Variants in KIAA1958 observed in about 807,000 individuals in gnomAD.
The protein encoded by KIAA1958 is KIAA1958.
In KIAA1958, 14 loss-of-function variants were observed where a neutral mutation model predicts 47.2. The observed-to-expected ratio is 0.30, with a 90% CI of 0.20 to 0.46. KIAA1958 has a LOEUF of 0.46. Among genes scored for constraint, KIAA1958 ranks in the 20% least tolerant of loss-of-function variants. The pLI is 1.00. For synonymous variants in KIAA1958, 354 were observed against 353.3 expected (o/e 1.00, Z -0.02); for missense variants, 803 against 909.2 (o/e 0.88, Z 1.50).
intron 1 of KIAA1958, among the ~76,000 whole-genome samples, chr9:112,534,342 C>T (rs1834815446): frequency 6.6e-6 from 1 of 152,164 alleles, no homozygotes; most frequent in Non-Finnish European, 1.5e-5. Flanking sequence ...TTTTTGCCAT[C>T]AGCACTGATT....
At chr9:112,552,427 A>G (rs963703335) in intron 1 of KIAA1958, among the ~76,000 whole-genome samples, 1 of 152,192 alleles carries the variant, frequency 6.6e-6, no homozygotes, top group Non-Finnish European at 1.5e-5. Context: ...TCACAGGCCT[A>G]ATGTGTTAAC....
Position 112,541,729 on chromosome 9 carries a change from C to T in KIAA1958, c.-24-32328C>T, listed in dbSNP as rs576137552. ...GGCTGAGGATTCAATTGCTTGAACC[C>T]GGGAGGCAGAGGTTGCAGTGAACCG... On this transcript the variant is annotated intron_variant, in intron 1 of 3. Transcript: ENST00000337530. Among the ~76,000 whole-genome samples the T allele has an allele frequency of 8.9e-4, 135 of 152,130 alleles. 1 individual carries two copies. Among genetic ancestry groups the T allele is most frequent in the African/African-American group, 3.1e-3 (130 of 41,488 alleles).
chr9:112,599,979 A>G (rs933318808), intron 2 of KIAA1958, among the ~76,000 whole-genome samples: 1 of 152,234 alleles, frequency 6.6e-6, no homozygotes, highest in Admixed American at 6.5e-5. Flanking sequence ...ATGATTTATT[A>G]CATTAATTAC....
At chr9:112,523,699 G>C (rs907761894) in intron 1 of KIAA1958, among the ~76,000 whole-genome samples, 1 of 152,166 alleles carries the variant, frequency 6.6e-6, no homozygotes, top group African/African-American at 2.4e-5. Flanking sequence ...GTTACCACAT[G>C]TATCAAATAT....
intron 1 of KIAA1958, among the ~76,000 whole-genome samples, chr9:112,564,513 A>G (rs1835394443): frequency 3.3e-5 from 5 of 152,184 alleles, no homozygotes. Flanking sequence ...TTTCGTTATT[A>G]ATTAATTTTG....
Position 112,667,484 on chromosome 9 carries a change from G to C in KIAA1958, c.*7415G>C, listed in dbSNP as rs940257838. 6.6e-6 allele frequency: 1 copy of C among 152,242 alleles called. No individual in the cohort carries two copies. Among genetic ancestry groups the C allele is most frequent in the Non-Finnish European group, 1.5e-5 (1 of 68,134 alleles). 9.4% of individuals were successfully genotyped at this position (152,242 alleles called of 1,614,324 possible). ...CCAGCTACTCGGGAGGCTGAGGCGG[G>C]AGAATCGCTTGAACCCAGGAGGCGG... On this transcript the variant is annotated 3_prime_UTR_variant, in exon 4 of 4. Transcript: ENST00000337530.
intron 2 of KIAA1958, among the ~76,000 whole-genome samples, chr9:112,609,698 T>A (rs565871192): frequency 6.1e-4 from 93 of 152,168 alleles, no homozygotes; most frequent in Non-Finnish European, 1.2e-3. Context: ...ACTACAGGCA[T>A]GCACCACCAC....
At chr9:112,562,100 G>T (rs1835340862) in intron 1 of KIAA1958, among the ~76,000 whole-genome samples, 1 of 152,154 alleles carries the variant, frequency 6.6e-6, no homozygotes, top group African/African-American at 2.4e-5. Context: ...TATTGTATAT[G>T]TTCGCTGTCT....
At chr9:112,517,823 C>T (rs748156577) in intron 1 of KIAA1958, among the ~76,000 whole-genome samples, 11 of 152,104 alleles carry the variant, frequency 7.2e-5, no homozygotes, top group Admixed American at 1.3e-4. Context: ...AGTAAGCACA[C>T]GATAAGATGT....
rs571882949 is a variant in KIAA1958 at position 112,513,352 on chromosome 9, T to C, written c.-25+26234T>C. ...GCAAGTGAGACAAGAGTAGGCCAGA[T>C]TGGGAAGACTTTTCTCAGCAGAGGG... is the stretch of plus-strand genomic sequence containing the variant. On this transcript the variant is annotated intron_variant, in intron 1 of 3. Transcript: ENST00000337530. 2.7e-5 allele frequency among the ~76,000 whole-genome samples: 4 copies of C among 147,012 alleles called. No homozygotes were observed. In the South Asian group the frequency reaches 8.9e-4, roughly 33 times the overall value.
intron 1 of KIAA1958, among the ~76,000 whole-genome samples, chr9:112,505,881 A>G (rs1834225475): frequency 6.6e-6 from 1 of 152,212 alleles, no homozygotes; most frequent in South Asian, 2.1e-4. Flanking sequence ...TCAGGGCAAT[A>G]AAAAGTTCGA....
At chr9:112,526,228 G>A in intron 1 of KIAA1958, among the ~76,000 whole-genome samples, 1 of 143,134 alleles carries the variant, frequency 7.0e-6, no homozygotes, top group South Asian at 2.4e-4. Flanking sequence ...CGTTTGTGCT[G>A]CTATAACAGA....
intron 2 of KIAA1958, among the ~76,000 whole-genome samples, chr9:112,592,021 C>A (rs1835931851): frequency 6.6e-6 from 1 of 152,038 alleles, no homozygotes; most frequent in African/African-American, 2.4e-5. Flanking sequence ...TAGGGTTAGA[C>A]CGCACAGGCT....
At chr9:112,492,861 C>CA (rs1330295927) in intron 1 of KIAA1958, among the ~76,000 whole-genome samples, 1 of 151,802 alleles carries the variant, frequency 6.6e-6, no homozygotes, top group Admixed American at 6.6e-5. Context: ...GCAGTCCTCT[C>CA]ACCTCAGCCT....
rs554523053 is a variant in KIAA1958 at position 112,512,088 on chromosome 9, A to G, written c.-25+24970A>G. 2.1e-4 allele frequency among the ~76,000 whole-genome samples: 32 copies of G among 152,344 alleles called. No individual in the cohort carries two copies. The South Asian group carries it at 6.6e-3, about 32-fold the overall frequency. On this transcript the variant is annotated intron_variant, in intron 1 of 3. Transcript: ENST00000337530. ...GATGGCTTTGCTATGGAATTCTACC[A>G]GACATTTAGGGAAGACATAGTATTA... is the stretch of plus-strand genomic sequence containing the variant.
intron 1 of KIAA1958, among the ~76,000 whole-genome samples, chr9:112,506,694 C>A (rs1324203147): frequency 6.6e-6 from 1 of 151,396 alleles, no homozygotes; most frequent in East Asian, 1.9e-4. Context: ...TTTGCTTGCT[C>A]AAGCTACTGC....
chr9:112,490,848 A>T (rs1833956260), intron 1 of KIAA1958, among the ~76,000 whole-genome samples: 1 of 152,220 alleles, frequency 6.6e-6, no homozygotes, highest in Admixed American at 6.5e-5. Flanking sequence ...GAAACATGTT[A>T]TTACACTTGA....
intron 2 of KIAA1958, among the ~76,000 whole-genome samples, chr9:112,609,411 C>G (rs892980493): frequency 6.6e-6 from 1 of 151,988 alleles, no homozygotes; most frequent in Non-Finnish European, 1.5e-5. Context: ...GATAAATAAG[C>G]ACAAGTTGCA....
chr9:112,496,011 T>A (rs1834046646), intron 1 of KIAA1958, among the ~76,000 whole-genome samples: 1 of 152,184 alleles, frequency 6.6e-6, no homozygotes, highest in Non-Finnish European at 1.5e-5. Flanking sequence ...ATCTTTGACC[T>A]TATAGTTTAG....
Sources: allele counts gnomAD v4.1 joint callset (sites outside exome capture counted in the v4.1 genomes callset), GRCh38; gene constraint gnomAD v4.1.1; transcripts MANE v1.5; gene names NCBI Gene and HGNC (gene_info 2026-07-23, HGNC 2026-07-21).